CCNY: variants seen among roughly 807,000 people sequenced by gnomAD.
The protein encoded by CCNY is cyclin-Y.
CCNY carries 19 observed loss-of-function variants against 42.8 expected under a neutral mutation model. That is an observed-to-expected ratio of 0.44 (90% CI 0.31 to 0.65). The LOEUF (loss-of-function observed/expected upper bound fraction) is 0.65, where lower values mean the gene tolerates loss of function less well. CCNY is among the 30% of genes least tolerant of loss of function. The pLI is 0.07. For missense variants in CCNY, 370 were observed against 437.3 expected, an observed-to-expected ratio of 0.85 and a Z score of 1.37; for synonymous variants, 165 against 162.7, an observed-to-expected ratio of 1.01 and a Z score of -0.11.
At chr10:35,413,817 G>A (rs1045659113) in intron 1 of CCNY, among the ~76,000 whole-genome samples, 4 of 152,178 alleles carry the variant, frequency 2.6e-5, no homozygotes, top group African/African-American at 9.7e-5. Flanking sequence ...ACTGAAGCGG[G>A]AAATGCGGTA....
At chr10:35,430,119 C>T (rs1361309660) in intron 1 of CCNY, among the ~76,000 whole-genome samples, 5 of 151,466 alleles carry the variant, frequency 3.3e-5, no homozygotes, top group African/African-American at 9.7e-5. Context: ...GGGCGGATCA[C>T]GAGGTCAGGA....
At chr10:35,266,015 T>G (rs1485759895) in intron 3 of CCNY, among the ~76,000 whole-genome samples, 11 of 152,162 alleles carry the variant, frequency 7.2e-5, no homozygotes, top group Admixed American at 7.2e-4. Context: ...TGGGTTGTTA[T>G]GAAGAATAAA....
chr10:35,271,766 C>T (rs1016975535), intron 3 of CCNY, among the ~76,000 whole-genome samples: 9 of 152,306 alleles, frequency 5.9e-5, no homozygotes, highest in African/African-American at 1.9e-4. Context: ...CCTCTGCCCC[C>T]CTTGGCAACC....
At chr10:35,437,368 A>G (rs1342149465) in intron 1 of CCNY, among the ~76,000 whole-genome samples, 1 of 152,222 alleles carries the variant, frequency 6.6e-6, no homozygotes, top group Non-Finnish European at 1.5e-5. Context: ...ACACTTTGCA[A>G]TAAATTATTA....
intron 1 of CCNY, among the ~76,000 whole-genome samples, chr10:35,440,548 G>A (rs1838643752): frequency 6.6e-6 from 1 of 152,160 alleles, no homozygotes; most frequent in Non-Finnish European, 1.5e-5. Flanking sequence ...ACCCCTCCTA[G>A]TGCTGACTCT....
chr10:35,397,400 T>C (rs1015454032), intron 1 of CCNY, among the ~76,000 whole-genome samples: 2 of 152,210 alleles, frequency 1.3e-5, no homozygotes, highest in African/African-American at 4.8e-5. Context: ...AGGAGCTAGC[T>C]CTTGCTTCCT....
At chr10:35,299,038 T>G (rs1564361819) in intron 3 of CCNY, among the ~76,000 whole-genome samples, 1 of 152,250 alleles carries the variant, frequency 6.6e-6, no homozygotes, top group Non-Finnish European at 1.5e-5. Context: ...AACTGACAAC[T>G]GTTTTCAAAG....
intron 3 of CCNY, among the ~76,000 whole-genome samples, chr10:35,263,273 T>C (rs1565056688): frequency 7.4e-6 from 1 of 135,880 alleles, no homozygotes; most frequent in East Asian, 2.1e-4. Flanking sequence ...AGGAGAATGG[T>C]GTGAACCCAG....
intron 1 of CCNY, among the ~76,000 whole-genome samples, chr10:35,359,075 T>C (rs1307919532): frequency 2.0e-5 from 3 of 152,246 alleles, no homozygotes; most frequent in Non-Finnish European, 4.4e-5. Context: ...CATGGCTTAT[T>C]AGGTAAGTGC....
At chr10:35,332,937 C>G (rs983189141), upstream of CCNY, among the ~76,000 whole-genome samples, 3 of 152,114 alleles carry the variant, frequency 2.0e-5, no homozygotes, top group Non-Finnish European at 4.4e-5. Context: ...GTTACAGTGA[C>G]CAAATTCTTC....
chr10:35,370,154 G>GTTT (rs1227067609), intron 1 of CCNY, among the ~76,000 whole-genome samples: 1 of 143,278 alleles, frequency 7.0e-6, no homozygotes, highest in Non-Finnish European at 1.5e-5. Flanking sequence ...ACATATCCAT[G>GTTT]TTTTTTTTTT....
At chr10:35,373,065 T>G (rs11599097) in intron 1 of CCNY, among the ~76,000 whole-genome samples, 43,918 of 152,110 alleles carry the variant, frequency 0.29, 6,639 homozygotes, top group Admixed American at 0.35. Context: ...GATTTTAAAA[T>G]CCAGGGATAA....
intron 3 of CCNY, among the ~76,000 whole-genome samples, chr10:35,269,449 C>T (rs907858211): frequency 2.0e-5 from 3 of 150,692 alleles, no homozygotes; most frequent in African/African-American, 7.3e-5. Context: ...TCCTAGTAGC[C>T]GGGGTTACTA....
intron 1 of CCNY, among the ~76,000 whole-genome samples, chr10:35,436,167 GGAGT>G (rs1589120261): frequency 6.6e-6 from 1 of 152,158 alleles, no homozygotes; most frequent in East Asian, 1.9e-4. Flanking sequence ...GGGAAGCCCA[GGAGT>G]GACTTGTGGG....
chr10:35,454,479 T>G (rs1015478124), intron 1 of CCNY, among the ~76,000 whole-genome samples: 1 of 152,196 alleles, frequency 6.6e-6, no homozygotes, highest in South Asian at 2.1e-4. Flanking sequence ...CACTCTGACA[T>G]TTGCCCCTTG....
chr10:35,522,151 G>T (rs1285927142), intron 4 of CCNY, among the ~76,000 whole-genome samples: 1 of 152,000 alleles, frequency 6.6e-6, no homozygotes, highest in African/African-American at 2.4e-5. Context: ...AGGACAGAAG[G>T]TGGTGAGCAC....
Position 35,384,141 on chromosome 10 carries a change from A to G in CCNY, c.154+46934A>G, listed in dbSNP as rs1837252563. ...TTAGCAGAATAGCTATATAAACCCA[A>G]AAGTATTTGAGACAGGTCGCAATCA... is the stretch of plus-strand genomic sequence containing the variant. On this transcript the variant is annotated intron_variant, in intron 1 of 9. Coordinates refer to ENST00000374704, the MANE Select transcript of CCNY (RefSeq NM_145012.6). 2.0e-5 allele frequency among the ~76,000 whole-genome samples: 3 copies of G among 152,166 alleles called. No homozygotes were observed. The South Asian group carries it at 6.2e-4, about 32-fold the overall frequency.
intron 1 of CCNY, among the ~76,000 whole-genome samples, chr10:35,417,770 T>A (rs1838057916): frequency 6.6e-6 from 1 of 152,240 alleles, no homozygotes; most frequent in Non-Finnish European, 1.5e-5. Flanking sequence ...CCCAATCTGT[T>A]ATGCTCCAGA....
intron 3 of CCNY, among the ~76,000 whole-genome samples, chr10:35,306,665 C>T (rs920327689): frequency 6.6e-6 from 1 of 152,002 alleles, no homozygotes; most frequent in Admixed American, 6.6e-5. Context: ...CACCCCTTCT[C>T]CCACATGCCC....
Sources: allele counts gnomAD v4.1 joint callset (sites outside exome capture counted in the v4.1 genomes callset), GRCh38; gene constraint gnomAD v4.1.1; transcripts MANE v1.5; gene names NCBI Gene and HGNC (gene_info 2026-07-23, HGNC 2026-07-21).